The following SEMA3E variants were observed in gnomAD, a reference collection of about 807,000 sequenced individuals.
SEMA3E encodes the protein semaphorin-3E.
A neutral mutation model predicts 93.6 loss-of-function variants in SEMA3E; 49 were observed. The ratio of observed to expected loss-of-function variants is 0.52; its 90% confidence interval spans 0.42 to 0.66. The LOEUF (loss-of-function observed/expected upper bound fraction) is 0.66. Among genes scored for constraint, SEMA3E ranks in the 30% least tolerant of loss-of-function variants. The pLI is 0.00. For missense variants in SEMA3E, 906 were observed against 964.8 expected (o/e 0.94, Z 0.81); for synonymous variants, 363 against 330.7 (o/e 1.10, Z -1.06).
intron 10 of SEMA3E, 128 bp from the exon 11 acceptor site, chr7:83,400,378 A>G (rs554809825): frequency 6.3e-5 from 53 of 847,570 alleles, no homozygotes; most frequent in East Asian, 4.2e-4. Flanking sequence ...AGAAATATTT[A>G]GTAATCATAT....
At chr7:83,533,364 A>G (rs1425772072) in intron 1 of SEMA3E, among the ~76,000 whole-genome samples, 1 of 152,086 alleles carries the variant, frequency 6.6e-6, no homozygotes, top group Non-Finnish European at 1.5e-5. Flanking sequence ...CAACATGGCA[A>G]AACCCCATCT....
rs967110741 is a variant in SEMA3E at position 83,637,344 on chromosome 7, A to T, written c.115+11084T>A. 7.2e-5 allele frequency among the ~76,000 whole-genome samples: 11 copies of T among 152,180 alleles called. No individual in the cohort carries two copies. The South Asian group carries it at 1.2e-3, about 17-fold the overall frequency. ...GATTTTTTATTCTTAAAATCCTAGC[A>T]TGATGCTCAGTACCTAAAGCATTGA... On this transcript the variant is annotated intron_variant, in intron 1 of 16. Transcript: ENST00000643230.
At chr7:83,634,246 C>T (rs953621920) in intron 1 of SEMA3E, among the ~76,000 whole-genome samples, 8 of 152,142 alleles carry the variant, frequency 5.3e-5, no homozygotes, top group Admixed American at 6.6e-5. Context: ...GAGACCAGTA[C>T]TATAGAAGGC....
intron 1 of SEMA3E, among the ~76,000 whole-genome samples, chr7:83,583,523 G>T (rs565406685): frequency 3.3e-5 from 5 of 152,022 alleles, no homozygotes; most frequent in African/African-American, 1.2e-4. Flanking sequence ...CTTACCATTC[G>T]TTCACTTCTT....
rs371724047 is a variant in SEMA3E at position 83,561,153 on chromosome 7, C to T, written c.116-70879G>A. ...GAATTTGTATTTATCAAATTGTGCA[C>T]AATATTGCCAATGTGAAAATAAGTT... On this transcript the variant is annotated intron_variant, in intron 1 of 16. Coordinates refer to ENST00000643230, the MANE Select transcript of SEMA3E (RefSeq NM_012431.3). Among the ~76,000 whole-genome samples, 13 of 151,958 alleles carry T rather than the reference C, an allele frequency of 8.6e-5. No individual in the cohort carries two copies. In the East Asian group the frequency reaches 1.4e-3, roughly 16 times the overall value.
At chr7:83,605,430 C>CTT (rs750584910) in intron 1 of SEMA3E, among the ~76,000 whole-genome samples, 125 of 147,132 alleles carry the variant, frequency 8.5e-4, no homozygotes, top group Admixed American at 3.7e-3. Flanking sequence ...TAAATGTCCT[C>CTT]TCTTTTTTTT....
chr7:83,566,286 G>T (rs113444060), intron 1 of SEMA3E, among the ~76,000 whole-genome samples: 5,596 of 151,762 alleles, frequency 0.037, 131 homozygotes, highest in Non-Finnish European at 0.054. Flanking sequence ...GATTACAGGC[G>T]TGAGCCACTG....
At chr7:83,532,662 C>G (rs575305017) in intron 1 of SEMA3E, among the ~76,000 whole-genome samples, 1 of 150,856 alleles carries the variant, frequency 6.6e-6, no homozygotes, top group Non-Finnish European at 1.5e-5. Context: ...TCTCTCAATA[C>G]TTCAATTTAA....
chr7:83,574,538 C>G (rs1420107309), intron 1 of SEMA3E, among the ~76,000 whole-genome samples: 1 of 139,356 alleles, frequency 7.2e-6, no homozygotes, highest in African/African-American at 2.8e-5. Context: ...GGTATCTGTA[C>G]TTTTGGGTAC....
chr7:83,433,898 A>G (rs995144629), intron 4 of SEMA3E, among the ~76,000 whole-genome samples: 15 of 152,248 alleles, frequency 9.9e-5, no homozygotes, highest in African/African-American at 3.4e-4. Flanking sequence ...ATATACGATG[A>G]TCCCAATCAA....
chr7:83,527,183 G>C (rs555451019), intron 1 of SEMA3E, among the ~76,000 whole-genome samples: 3 of 105,234 alleles, frequency 2.9e-5, no homozygotes, highest in Admixed American at 9.6e-5. Context: ...GCTAAGAAGT[G>C]GGGGGGAAAA....
intron 1 of SEMA3E, among the ~76,000 whole-genome samples, chr7:83,578,429 G>A (rs1208165952): frequency 6.6e-6 from 1 of 152,102 alleles, no homozygotes; most frequent in African/African-American, 2.4e-5. Flanking sequence ...GGTGGCAGAT[G>A]CCTGTAATCC....
intron 4 of SEMA3E, among the ~76,000 whole-genome samples, chr7:83,418,974 G>T (rs1231426051): frequency 6.6e-6 from 1 of 151,946 alleles, no homozygotes; most frequent in Non-Finnish European, 1.5e-5. Flanking sequence ...TGAAGTTTGG[G>T]GTATAAATTA....
chr7:83,561,150 G>A (rs1792021870), intron 1 of SEMA3E, among the ~76,000 whole-genome samples: 1 of 151,966 alleles, frequency 6.6e-6, no homozygotes, highest in African/African-American at 2.4e-5. Flanking sequence ...ATCAAATTGT[G>A]CACAATATTG....
Position 83,363,544 on chromosome 7 carries a change from T to G in SEMA3E, c.*4042A>C, listed in dbSNP as rs1010379589. The G allele has an allele frequency of 6.6e-6, 1 of 152,090 alleles. No homozygotes were observed. The highest frequency in any genetic ancestry group is 2.4e-5 in the African/African-American group (1 of 41,416). 9.4% of individuals were successfully genotyped at this position (152,090 alleles called of 1,614,324 possible). A position where few individuals can be genotyped will look rare whatever the true frequency, so the allele number is the denominator to read the frequency against. ...CATTTAAACACAAGCAGAACACAAT[T>G]TATAATGAAAGCCAAAATATAAAGC... On this transcript the variant is annotated 3_prime_UTR_variant, in exon 17 of 17. Coordinates refer to ENST00000643230, the MANE Select transcript of SEMA3E (RefSeq NM_012431.3).
At chr7:83,521,423 T>C (rs1178793075) in intron 1 of SEMA3E, among the ~76,000 whole-genome samples, 1 of 152,162 alleles carries the variant, frequency 6.6e-6, no homozygotes, top group Non-Finnish European at 1.5e-5. Context: ...AGCTAGGGCA[T>C]AGTTGGTATT....
At chr7:83,581,327 C>A (rs114053370) in intron 1 of SEMA3E, among the ~76,000 whole-genome samples, 4,220 of 151,984 alleles carry the variant, frequency 0.028, 188 homozygotes, top group African/African-American at 0.096. Flanking sequence ...CGCTGCACTG[C>A]CCATAGTAAT....
intron 4 of SEMA3E, among the ~76,000 whole-genome samples, chr7:83,465,668 G>A (rs1323006735): frequency 5.3e-5 from 8 of 152,112 alleles, no homozygotes; most frequent in Non-Finnish European, 1.0e-4. Context: ...TCTAGAACTC[G>A]ATTTTATCTG....
In SEMA3E at chr7:83,387,005, C is replaced by A; in HGVS notation, c.1713G>T (p.Gln571His). Residue 571 changes from glutamine (Q) to histidine (H), a missense_variant, in exon 15 of 17, where the codon CAG (glutamine) becomes CAT (histidine). Gln to His is a conservative substitution (Grantham distance 24, BLOSUM62 0). Transcript: ENST00000643230. ...TACCAACAAACTGTTGTCCAAAGCA[C>A]TGCTGAGCTGCATTTCCATGTCGAA... is the stretch of plus-strand genomic sequence containing the variant. ...QDVRHGNAAQQCFGQQFVGDA... is the reference protein window; with the variant it reads ...QDVRHGNAAQHCFGQQFVGDA... The A allele has an allele frequency of 6.2e-7, 1 of 1,613,352 alleles. No homozygotes were observed. Among genetic ancestry groups the A allele is most frequent in the Non-Finnish European group, 8.5e-7 (1 of 1,179,622 alleles).
Sources: allele counts gnomAD v4.1 joint callset (sites outside exome capture counted in the v4.1 genomes callset), GRCh38; gene constraint gnomAD v4.1.1; transcripts MANE v1.5; gene names NCBI Gene and HGNC (gene_info 2026-07-23, HGNC 2026-07-21).